The following UGT1A10 variants were observed in gnomAD, a reference collection of about 807,000 sequenced individuals.
UGT1A10 encodes the protein UDP-glucuronosyltransferase 1A10.
Under a neutral mutation model 45.8 loss-of-function variants are expected in UGT1A10, and 49 were observed. The ratio of observed to expected loss-of-function variants is 1.07; its 90% CI spans 0.85 to 1.36. The LOEUF (loss-of-function observed/expected upper bound fraction) is 1.36. Among genes scored for constraint, UGT1A10 ranks in the 40% most tolerant of loss-of-function variants. UGT1A10 has a pLI of 0.00. For missense variants in UGT1A10, 745 were observed against 668.6 expected (o/e 1.11, Z -1.26); for synonymous variants, 284 against 249.7 (o/e 1.14, Z -1.29).
At chr2:233,714,756 T>TA (rs1222737910) in intron 1 of UGT1A10, among the ~76,000 whole-genome samples, 1 of 152,230 alleles carries the variant, frequency 6.6e-6, no homozygotes, top group Non-Finnish European at 1.5e-5. Flanking sequence ...ATTTGACACT[T>TA]ACAGTATATC....
chr2:233,650,240 G>A (rs1175907694), intron 1 of UGT1A10, among the ~76,000 whole-genome samples: 1 of 152,176 alleles, frequency 6.6e-6, no homozygotes, highest in Admixed American at 6.5e-5. Flanking sequence ...AAAGTGCTGG[G>A]ATTACAGGTG....
intron 1 of UGT1A10, chr2:233,692,193 G>A (rs1481987311): frequency 6.6e-6 from 1 of 152,356 alleles, no homozygotes; most frequent in East Asian, 1.9e-4. Context: ...GGTTGCTGAA[G>A]GTGTGGAGGG....
intron 4 of UGT1A10, 29 bp downstream of exon 4, chr2:233,768,468 T>C: frequency 6.2e-7 from 1 of 1,604,616 alleles, no homozygotes; most frequent in Non-Finnish European, 8.5e-7. Context: ...AAGAATACTT[T>C]GGTCATGGCA....
chr2:233,659,776 G>A (rs1235759819), intron 1 of UGT1A10, among the ~76,000 whole-genome samples: 4 of 152,188 alleles, frequency 2.6e-5, no homozygotes, highest in African/African-American at 9.7e-5. Flanking sequence ...TAGTTTCAGT[G>A]CCCATATCAT....
intron 1 of UGT1A10, among the ~76,000 whole-genome samples, chr2:233,647,004 G>A (rs972523790): frequency 2.0e-5 from 3 of 152,162 alleles, no homozygotes; most frequent in South Asian, 2.1e-4. Context: ...ACATGGCTGG[G>A]GAGGCCTCAC....
intron 1 of UGT1A10, chr2:233,747,772 G>C (rs1693773071): frequency 6.2e-7 from 1 of 1,613,364 alleles, no homozygotes; most frequent in Non-Finnish European, 8.5e-7. Context: ...GGCACACAGT[G>C]TCCAAATCCT....
chr2:233,744,098 G>A, intron 1 of UGT1A10: 1 of 409,610 alleles, frequency 2.4e-6, no homozygotes, highest in South Asian at 2.0e-5. Flanking sequence ...AGTGCTTCTG[G>A]GACTGGCCCT....
At chr2:233,658,507 T>A (rs1406687081) in intron 1 of UGT1A10, among the ~76,000 whole-genome samples, 2 of 152,234 alleles carry the variant, frequency 1.3e-5, no homozygotes, top group Non-Finnish European at 2.9e-5. Flanking sequence ...GCCCCCTTCA[T>A]CTCCTGTACC....
intron 1 of UGT1A10, among the ~76,000 whole-genome samples, chr2:233,744,198 G>A (rs1317214415): frequency 6.6e-6 from 1 of 151,870 alleles, no homozygotes; most frequent in Non-Finnish European, 1.5e-5. Flanking sequence ...CTCCAAAAAG[G>A]ATGGGAAAAA....
chr2:233,720,402 G>T (rs569897948), intron 1 of UGT1A10, among the ~76,000 whole-genome samples: 13 of 152,218 alleles, frequency 8.5e-5, no homozygotes, highest in African/African-American at 3.1e-4. Context: ...TCAAGAGTGG[G>T]TGGAAGGGAC....
intron 1 of UGT1A10, among the ~76,000 whole-genome samples, chr2:233,652,755 G>A (rs138638870): frequency 8.9e-4 from 135 of 152,340 alleles, no homozygotes; most frequent in Admixed American, 2.8e-3. Context: ...CGCTGAGACA[G>A]CTGCATATCC....
At chr2:233,720,704 CTT>C (rs796417980) in intron 1 of UGT1A10, among the ~76,000 whole-genome samples, 9 of 139,144 alleles carry the variant, frequency 6.5e-5, no homozygotes, top group Non-Finnish European at 6.3e-5. Context: ...GGGAGCCATC[CTT>C]TTTTTTTTTT....
chr2:233,754,979 G>C lies in UGT1A10; in HGVS notation c.856-12055G>C, dbSNP rs541611005. 93 of 1,297,796 alleles carry C rather than the reference G, an allele frequency of 7.2e-5. No homozygotes were observed. In the African/African-American group the frequency reaches 1.2e-3, roughly 17 times the overall value. The allele number at this position is 1,297,796 out of a possible 1,614,324, so 80.4% of individuals were successfully genotyped here. A position where few individuals can be genotyped will look rare whatever the true frequency, so the allele number is the denominator to read the frequency against. On this transcript the variant is annotated intron_variant, in intron 1 of 4. Coordinates refer to ENST00000344644, the MANE Select transcript of UGT1A10 (RefSeq NM_019075.4). The stretch of plus-strand genomic sequence containing the variant: ...CGCCAAAGAACTCCCTGAAGACCTC[G>C]GCGGGGTCACGGAAGCTGAAGACCT...
intron 1 of UGT1A10, among the ~76,000 whole-genome samples, chr2:233,757,366 A>G (rs1696506551): frequency 6.6e-6 from 1 of 151,072 alleles, no homozygotes; most frequent in Admixed American, 6.6e-5. Flanking sequence ...AGTGGTAGAA[A>G]CATCCAGATT....
chr2:233,694,889 T>C (rs2075246653), intron 1 of UGT1A10, among the ~76,000 whole-genome samples: 1 of 152,252 alleles, frequency 6.6e-6, no homozygotes, highest in Non-Finnish European at 1.5e-5. Context: ...GGGGGGTTCA[T>C]GTGATATTTT....
chr2:233,691,775 C>A, intron 1 of UGT1A10: 1 of 320,452 alleles, frequency 3.1e-6, no homozygotes, highest in Non-Finnish European at 4.5e-6. Context: ...GGATTCTCAC[C>A]ACGTACTGGC....
chr2:233,693,908 G>A (rs1417524727), intron 1 of UGT1A10: 7 of 1,612,836 alleles, frequency 4.3e-6, no homozygotes, highest in Middle Eastern at 1.7e-4. Flanking sequence ...TTTCTTCCAG[G>A]CTCTGTCCTC....
chr2:233,674,644 ATATCTTT>A (rs886741854), intron 1 of UGT1A10, among the ~76,000 whole-genome samples: 2 of 117,220 alleles, frequency 1.7e-5, no homozygotes, highest in African/African-American at 5.4e-5. Context: ...TTGATTATAA[ATATCTTT>A]TATGAGATAT....
At chr2:233,679,555 G>A (rs1317716484) in intron 1 of UGT1A10, among the ~76,000 whole-genome samples, 1 of 151,276 alleles carries the variant, frequency 6.6e-6, no homozygotes, top group African/African-American at 2.4e-5. Context: ...CTTTTTTTTT[G>A]TTTGTTTGTT....
Sources: gnomAD v4.1 joint callset for allele counts (sites outside exome capture counted in the v4.1 genomes callset) on GRCh38, gnomAD v4.1.1 for gene constraint, MANE v1.5 for transcripts, NCBI Gene and HGNC (gene_info 2026-07-23, HGNC 2026-07-21) for gene names.